The following ARL15 variants were observed in gnomAD, a reference collection of about 807,000 sequenced individuals.
The protein encoded by ARL15 is ADP-ribosylation factor-like protein 15.
Under a neutral mutation model 25.2 loss-of-function variants are expected in ARL15, and 19 were observed. The observed-to-expected ratio is 0.75, with a 90% confidence interval of 0.53 to 1.10. ARL15 has a LOEUF of 1.10. ARL15 is among the 50% of genes least tolerant of loss of function. The pLI, the probability that ARL15 is intolerant of heterozygous loss-of-function variation, is 0.00. For missense variants in ARL15, 220 were observed against 246.0 expected, an observed-to-expected ratio of 0.89 and a Z score of 0.71; for synonymous variants, 94 against 86.8, an observed-to-expected ratio of 1.08 and a Z score of -0.46.
At chr5:54,036,222 A>C (rs1750161893) in intron 4 of ARL15, among the ~76,000 whole-genome samples, 1 of 152,170 alleles carries the variant, frequency 6.6e-6, no homozygotes, top group African/African-American at 2.4e-5. Context: ...AAAACATCAA[A>C]TTATTCAAAA....
chr5:54,134,015 C>T (rs899206494), intron 3 of ARL15, among the ~76,000 whole-genome samples: 1 of 152,070 alleles, frequency 6.6e-6, no homozygotes, highest in African/African-American at 2.4e-5. Flanking sequence ...ACTCAAGTCT[C>T]CAGATCCAGA....
At chr5:54,163,356 C>CTTTTTTTTTTTTTTTTTTTTTTTTTTTTT (rs869196680) in intron 2 of ARL15, among the ~76,000 whole-genome samples, 7 of 55,648 alleles carry the variant, frequency 1.3e-4, no homozygotes, top group Admixed American at 2.7e-4. Context: ...TGGTATGAAG[C>CTTTTTTTTTTTTTTTTTTTTTTTTTTTTT]TTTTTTTTTT....
At chr5:54,132,680 A>G (rs1031207028) in intron 3 of ARL15, among the ~76,000 whole-genome samples, 132 of 152,294 alleles carry the variant, frequency 8.7e-4, no homozygotes, top group African/African-American at 3.0e-3. Context: ...TTTCTTAATG[A>G]TATGCTAAAC....
intron 4 of ARL15, among the ~76,000 whole-genome samples, chr5:53,949,938 T>C (rs984726967): frequency 1.3e-5 from 2 of 152,228 alleles, no homozygotes. Context: ...AAAGTGCCTT[T>C]GCTCAAGGTC....
At chr5:54,221,290 G>C (rs1016114680) in intron 1 of ARL15, among the ~76,000 whole-genome samples, 1 of 152,132 alleles carries the variant, frequency 6.6e-6, no homozygotes, top group Non-Finnish European at 1.5e-5. Flanking sequence ...TGCTTTAATA[G>C]GGGTTTTACA....
intron 1 of ARL15, among the ~76,000 whole-genome samples, chr5:54,296,281 T>C (rs1758464061): frequency 6.6e-6 from 1 of 152,224 alleles, no homozygotes; most frequent in Non-Finnish European, 1.5e-5. Flanking sequence ...CCTTGTTTTA[T>C]ATACACTTTT....
At chr5:53,931,781 T>C (rs1259436720) in intron 4 of ARL15, among the ~76,000 whole-genome samples, 2 of 152,244 alleles carry the variant, frequency 1.3e-5, no homozygotes, top group Non-Finnish European at 2.9e-5. Context: ...CTTCTTACTT[T>C]AGCCCACAAG....
intron 3 of ARL15, among the ~76,000 whole-genome samples, chr5:54,140,416 A>C (rs1425716680): frequency 4.6e-5 from 6 of 131,334 alleles, no homozygotes; most frequent in Non-Finnish European, 8.3e-5. Context: ...GTGTGGATAG[A>C]CAGATAGATA....
intron 4 of ARL15, among the ~76,000 whole-genome samples, chr5:54,086,831 G>A (rs1159436264): frequency 6.6e-6 from 1 of 152,160 alleles, no homozygotes; most frequent in Non-Finnish European, 1.5e-5. Flanking sequence ...CTGGAATCAA[G>A]TTCCTCTAGG....
intron 4 of ARL15, among the ~76,000 whole-genome samples, chr5:53,933,412 C>T (rs1321666952): frequency 2.6e-5 from 4 of 151,924 alleles, no homozygotes; most frequent in Admixed American, 1.3e-4. Context: ...TCTGGGAGGT[C>T]GAGGTGGGCG....
At chr5:53,932,112 T>A (rs955148729) in intron 4 of ARL15, among the ~76,000 whole-genome samples, 1 of 152,222 alleles carries the variant, frequency 6.6e-6, no homozygotes, top group Non-Finnish European at 1.5e-5. Context: ...ATTAACTTGA[T>A]AAACTAAGAA....
intron 1 of ARL15, among the ~76,000 whole-genome samples, chr5:54,234,985 T>A (rs1756764866): frequency 1.6e-5 from 1 of 60,620 alleles, no homozygotes; most frequent in South Asian, 6.9e-4. Context: ...CACAAAAAAC[T>A]TCTTTCTTAA....
At chr5:54,304,983 C>A (rs1184146809) in intron 1 of ARL15, among the ~76,000 whole-genome samples, 1 of 152,048 alleles carries the variant, frequency 6.6e-6, no homozygotes, top group East Asian at 1.9e-4. Flanking sequence ...CCCTTTGTAG[C>A]ACATCATGGG....
chr5:54,091,649 G>C (rs1752131036), intron 4 of ARL15, among the ~76,000 whole-genome samples: 1 of 152,124 alleles, frequency 6.6e-6, no homozygotes, highest in Admixed American at 6.5e-5. Context: ...CAGGTGGTGT[G>C]CCCACCTGTC....
At chr5:54,129,116 T>A (rs1753356409) in intron 3 of ARL15, among the ~76,000 whole-genome samples, 1 of 152,152 alleles carries the variant, frequency 6.6e-6, no homozygotes, top group Admixed American at 6.5e-5. Context: ...AAAAAACCAA[T>A]CCCTTCCTGA....
chr5:54,151,366 T>G (rs935754516), intron 3 of ARL15, among the ~76,000 whole-genome samples: 3 of 152,168 alleles, frequency 2.0e-5, no homozygotes, highest in Admixed American at 1.3e-4. Context: ...TTCATTTCAT[T>G]ATTTTCAAAA....
chr5:54,165,016 C>CA (rs1561249551), intron 2 of ARL15, among the ~76,000 whole-genome samples: 1 of 151,570 alleles, frequency 6.6e-6, no homozygotes, highest in East Asian at 1.9e-4. Flanking sequence ...TATGGGCTCT[C>CA]ATCCTTTGTT....
intron 4 of ARL15, among the ~76,000 whole-genome samples, chr5:53,997,941 T>C (rs896014724): frequency 1.3e-5 from 2 of 152,014 alleles, no homozygotes; most frequent in Admixed American, 1.3e-4. Flanking sequence ...ATGCCTAGTC[T>C]CTTAGTAATC....
intron 4 of ARL15, among the ~76,000 whole-genome samples, chr5:53,912,331 T>G (rs1745490570): frequency 1.3e-5 from 2 of 152,160 alleles, no homozygotes; most frequent in African/African-American, 4.8e-5. Context: ...ATGCTGCTTG[T>G]TACTTAGTAT....
Sources: gnomAD v4.1 joint callset for allele counts (sites outside exome capture counted in the v4.1 genomes callset) on GRCh38, gnomAD v4.1.1 for gene constraint, MANE v1.5 for transcripts, NCBI Gene and HGNC (gene_info 2026-07-23, HGNC 2026-07-21) for gene names.